Variants in CACNA2D1 observed in about 807,000 individuals in gnomAD.
CACNA2D1 encodes voltage-dependent calcium channel subunit alpha-2/delta-1.
CACNA2D1 carries 53 observed loss-of-function variants against 171.5 expected under a neutral mutation model. That is an observed-to-expected ratio of 0.31 (90% CI 0.25 to 0.39). CACNA2D1 has a LOEUF of 0.39. Ranked by LOEUF, CACNA2D1 falls within the 10% of genes least tolerant of loss-of-function variation. CACNA2D1 has a pLI of 1.00. For missense variants in CACNA2D1, 903 were observed against 1,299.8 expected (o/e 0.69, Z 4.69); for synonymous variants, 442 against 443.1 (o/e 1.00, Z 0.03).
chr7:82,378,619 T>C lies in CACNA2D1; in HGVS notation c.96-28970A>G, dbSNP rs183671654. On this transcript the variant is annotated intron_variant, in intron 1 of 38. Transcript: ENST00000356860. Reference sequence around the variant, plus strand: ...CTCTACATTTCTGATGCTTTCATTATATGCCTAATTTTGTCATGAATTCTC... The same window carrying C: ...CTCTACATTTCTGATGCTTTCATTACATGCCTAATTTTGTCATGAATTCTC... 1.1e-3 allele frequency among the ~76,000 whole-genome samples: 161 copies of C among 152,316 alleles called. 1 individual carries two copies. Among genetic ancestry groups the C allele is most frequent in the African/African-American group, 3.7e-3 (152 of 41,570 alleles).
intron 6 of CACNA2D1, among the ~76,000 whole-genome samples, chr7:82,107,231 T>C (rs1260600691): frequency 6.6e-6 from 1 of 152,068 alleles, no homozygotes; most frequent in Non-Finnish European, 1.5e-5. Context: ...AAATCCAAAA[T>C]GCTCCCAGGG....
At chr7:82,329,141 A>G (rs1438437714) in intron 3 of CACNA2D1, among the ~76,000 whole-genome samples, 3 of 152,172 alleles carry the variant, frequency 2.0e-5, no homozygotes, top group African/African-American at 4.8e-5. Context: ...AAAAAAAACT[A>G]TTTGGTTAAA....
At chr7:82,207,344 AAT>A (rs1271292770) in intron 3 of CACNA2D1, among the ~76,000 whole-genome samples, 2 of 152,158 alleles carry the variant, frequency 1.3e-5, no homozygotes, top group Non-Finnish European at 2.9e-5. Flanking sequence ...ATGCTTCTGT[AAT>A]ATGTCTTTTT....
At chr7:81,974,416 C>A (rs774825786) in intron 25 of CACNA2D1, 39 bp downstream of exon 25, 2 of 980,506 alleles carry the variant, frequency 2.0e-6, no homozygotes, top group African/African-American at 1.6e-5. Flanking sequence ...ACCAATAGAA[C>A]CACACTCAAG....
chr7:82,099,575 A>G (rs1184899190), intron 6 of CACNA2D1, among the ~76,000 whole-genome samples: 4 of 104,396 alleles, frequency 3.8e-5, no homozygotes, highest in Middle Eastern at 4.8e-3. Flanking sequence ...TCAGCCTCCC[A>G]AGTAGCTGGG....
At chr7:82,048,728 G>T (rs1483415697) in intron 10 of CACNA2D1, among the ~76,000 whole-genome samples, 1 of 151,978 alleles carries the variant, frequency 6.6e-6, no homozygotes, top group Non-Finnish European at 1.5e-5. Context: ...TTAATTTAAA[G>T]AACTCTGAAC....
intron 6 of CACNA2D1, among the ~76,000 whole-genome samples, chr7:82,111,343 T>C (rs1788365154): frequency 6.9e-6 from 1 of 145,878 alleles, no homozygotes; most frequent in African/African-American, 2.5e-5. Flanking sequence ...CGTATATATA[T>C]TCATATATAT....
At chr7:81,998,059 C>G (rs1798229279) in intron 18 of CACNA2D1, among the ~76,000 whole-genome samples, 1 of 151,552 alleles carries the variant, frequency 6.6e-6, no homozygotes, top group African/African-American at 2.4e-5. Context: ...GCAAATTTAC[C>G]TCATATGATA....
At chr7:82,277,730 T>C (rs1809534526) in intron 3 of CACNA2D1, among the ~76,000 whole-genome samples, 1 of 129,544 alleles carries the variant, frequency 7.7e-6, no homozygotes, top group African/African-American at 2.8e-5. Flanking sequence ...GCATATTTGA[T>C]TTTTTAATTT....
At chr7:82,005,532 C>T in intron 17 of CACNA2D1, 35 bp from the exon 18 acceptor site, 1 of 1,303,518 alleles carries the variant, frequency 7.7e-7, no homozygotes. Context: ...CTTGGATATG[C>T]CTGAGTCACA....
chr7:82,241,252 AT>A (rs1344281656), intron 3 of CACNA2D1, among the ~76,000 whole-genome samples: 1 of 152,224 alleles, frequency 6.6e-6, no homozygotes, highest in African/African-American at 2.4e-5. Flanking sequence ...AATAGTTTAC[AT>A]TAACAGATTA....
intron 1 of CACNA2D1, among the ~76,000 whole-genome samples, chr7:82,419,780 G>A (rs934721186): frequency 1.3e-5 from 2 of 152,116 alleles, no homozygotes; most frequent in South Asian, 2.1e-4. Flanking sequence ...CACTGGCCAC[G>A]GAAACATGTA....
chr7:82,032,922 CA>C (rs1415182849), intron 11 of CACNA2D1, 21 bp from the exon 12 acceptor site: 1 of 1,249,654 alleles, frequency 8.0e-7, no homozygotes, highest in Non-Finnish European at 1.2e-6. Context: ...CAAAACCAAA[CA>C]AAACAATATG....
At chr7:82,118,416 G>C (rs1228680227) in intron 5 of CACNA2D1, among the ~76,000 whole-genome samples, 1 of 152,084 alleles carries the variant, frequency 6.6e-6, no homozygotes, top group Non-Finnish European at 1.5e-5. Context: ...AAAGTGAAAA[G>C]AGAAAAAATC....
chr7:82,218,216 A>G (rs1178012980), intron 3 of CACNA2D1, among the ~76,000 whole-genome samples: 1 of 152,028 alleles, frequency 6.6e-6, no homozygotes, highest in Non-Finnish European at 1.5e-5. Context: ...TTACAGGTGT[A>G]AGCCACCGTG....
intron 3 of CACNA2D1, among the ~76,000 whole-genome samples, chr7:82,290,974 TC>T (rs1482253956): frequency 7.1e-6 from 1 of 141,726 alleles, no homozygotes; most frequent in Admixed American, 7.1e-5. Context: ...TACTTTCTTT[TC>T]TTTTTTTTTT....
chr7:82,343,564 A>G (rs559807035), intron 2 of CACNA2D1, among the ~76,000 whole-genome samples: 7 of 152,208 alleles, frequency 4.6e-5, no homozygotes, highest in Non-Finnish European at 8.8e-5. Flanking sequence ...AGTAAATTTT[A>G]AGTTCATGTT....
intron 1 of CACNA2D1, among the ~76,000 whole-genome samples, chr7:82,392,591 C>T (rs4728507): frequency 0.012 from 1,761 of 152,304 alleles, 63 homozygotes; most frequent in East Asian, 0.071. Context: ...CTGTGGCAGG[C>T]CTGGGGCCAA....
chr7:82,086,171 G>T (rs1205253674), intron 6 of CACNA2D1, among the ~76,000 whole-genome samples: 4 of 152,098 alleles, frequency 2.6e-5, no homozygotes, highest in Non-Finnish European at 4.4e-5. Context: ...TAAAAGAAAT[G>T]AATGCCATCA....
Sources: gnomAD v4.1 joint callset for allele counts (sites outside exome capture counted in the v4.1 genomes callset) on GRCh38, gnomAD v4.1.1 for gene constraint, MANE v1.5 for transcripts, NCBI Gene and HGNC (gene_info 2026-07-23, HGNC 2026-07-21) for gene names.